Variants in PKNOX1 observed in about 807,000 individuals in gnomAD.
PKNOX1 encodes PBX/knotted 1 homeobox 1, also known as homeobox protein PKNOX1.
In PKNOX1, 15 loss-of-function variants were observed where a neutral mutation model predicts 51.9. That is an observed-to-expected ratio of 0.29 (90% CI 0.19 to 0.45). PKNOX1 has a LOEUF of 0.45. PKNOX1 is among the 20% of genes least tolerant of loss of function. PKNOX1 has a pLI of 1.00. For synonymous variants in PKNOX1, 219 were observed against 211.1 expected (o/e 1.04, Z -0.32); for missense variants, 462 against 547.5 (o/e 0.84, Z 1.56).
chr21:43,004,274 C>CA, intron 1 of PKNOX1, 52 bp from the exon 2 acceptor site: 2 of 764,246 alleles, frequency 2.6e-6, no homozygotes, highest in South Asian at 1.5e-5. Flanking sequence ...ATGAGGGAGA[C>CA]AAAAAATGCT....
At chr21:42,989,694 C>T (rs1191127337) in intron 1 of PKNOX1, among the ~76,000 whole-genome samples, 1 of 152,202 alleles carries the variant, frequency 6.6e-6, no homozygotes, top group African/African-American at 2.4e-5. Flanking sequence ...GCTAGGATTA[C>T]AGTCGTGAGC....
intron 1 of PKNOX1, among the ~76,000 whole-genome samples, chr21:42,987,413 A>ATATATATATATATC (rs2059059567): frequency 7.6e-6 from 1 of 132,064 alleles, no homozygotes; most frequent in Non-Finnish European, 1.6e-5. Context: ...AAATATATAT[A>ATATATATATATATC]TATATATATA....
At chr21:42,992,055 G>A (rs187010604) in intron 1 of PKNOX1, among the ~76,000 whole-genome samples, 1 of 152,290 alleles carries the variant, frequency 6.6e-6, no homozygotes, top group East Asian at 1.9e-4. Flanking sequence ...ACACTCATGT[G>A]GCTTCGGAAG....
intron 1 of PKNOX1, among the ~76,000 whole-genome samples, chr21:42,977,537 C>CTTTT (rs3044504): frequency 2.1e-5 from 1 of 47,114 alleles, no homozygotes; most frequent in Non-Finnish European, 3.6e-5. Context: ...CTGCTTCCAA[C>CTTTT]TTTTTTTTTT....
At chr21:43,022,376 C>T (rs1054275313) in intron 8 of PKNOX1, among the ~76,000 whole-genome samples, 5 of 152,226 alleles carry the variant, frequency 3.3e-5, no homozygotes, top group African/African-American at 9.6e-5. Flanking sequence ...CGCCATTTCG[C>T]GGCCCACTTT....
Position 43,009,589 on chromosome 21 carries a change from C to T in PKNOX1, c.180-464C>T, listed in dbSNP as rs182713156. ...TCGTGCCGCTGCACTCCAGCCTGGGCGACAGAGTGAGACTCCATCTCAAAA... is the reference window on the plus strand; with the variant it reads ...TCGTGCCGCTGCACTCCAGCCTGGGTGACAGAGTGAGACTCCATCTCAAAA... On this transcript the variant is annotated intron_variant, in intron 3 of 10. Transcript: ENST00000291547. Among the ~76,000 whole-genome samples the T allele has an allele frequency of 5.5e-3, 628 of 113,488 alleles. 2 individuals are homozygous for T. Among genetic ancestry groups the T allele is most frequent in the Admixed American group, 8.0e-3 (61 of 7,598 alleles). The allele number at this position is 113,488 out of a possible 152,430, so 74.5% of individuals were successfully genotyped here.
intron 1 of PKNOX1, among the ~76,000 whole-genome samples, chr21:42,984,450 A>G (rs2059041653): frequency 6.6e-6 from 1 of 151,064 alleles, no homozygotes; most frequent in South Asian, 2.1e-4. Flanking sequence ...GTGCGATGGC[A>G]TGATCTTGGC....
chr21:43,006,454 G>A (rs1978990974), intron 2 of PKNOX1, among the ~76,000 whole-genome samples: 1 of 152,044 alleles, frequency 6.6e-6, no homozygotes, highest in Admixed American at 6.6e-5. Context: ...CATGCTGGCA[G>A]ATTGCCTTAC....
At chr21:42,983,176 G>T (rs369108654) in intron 1 of PKNOX1, among the ~76,000 whole-genome samples, 52 of 152,148 alleles carry the variant, frequency 3.4e-4, no homozygotes, top group African/African-American at 1.2e-3. Context: ...ACCATTTTCA[G>T]TGTGCAGTTC....
intron 1 of PKNOX1, among the ~76,000 whole-genome samples, chr21:42,982,889 A>C (rs1010771069): frequency 6.6e-6 from 1 of 151,914 alleles, no homozygotes; most frequent in East Asian, 1.9e-4. Flanking sequence ...GGCTCCCTGC[A>C]ACCTCTGCCT....
intron 7 of PKNOX1, among the ~76,000 whole-genome samples, chr21:43,019,701 C>G (rs1315454619): frequency 6.6e-6 from 1 of 151,888 alleles, no homozygotes; most frequent in Non-Finnish European, 1.5e-5. Context: ...TGCCACTATG[C>G]CTGGCTAATT....
chr21:43,024,631 C>T (rs535384353), intron 8 of PKNOX1: 157 of 480,788 alleles, frequency 3.3e-4, no homozygotes, highest in Non-Finnish European at 5.5e-4. Flanking sequence ...ACCGCTGAAC[C>T]GTTAAACGTG....
At chr21:42,999,815 T>A (rs1978667718) in intron 1 of PKNOX1, among the ~76,000 whole-genome samples, 1 of 152,142 alleles carries the variant, frequency 6.6e-6, no homozygotes. Flanking sequence ...AGGCTGCAAA[T>A]TTTCCAAACT....
chr21:42,974,714 C>A, intron 1 of PKNOX1, 50 bp downstream of exon 1: 1 of 165,688 alleles, frequency 6.0e-6, no homozygotes, highest in Non-Finnish European at 1.2e-5. Flanking sequence ...CTCTCGCCGC[C>A]GCCGTCCCTA....
intron 1 of PKNOX1, among the ~76,000 whole-genome samples, chr21:42,979,751 GAA>G (rs1453872052): frequency 7.2e-6 from 1 of 139,858 alleles, no homozygotes; most frequent in African/African-American, 2.5e-5. Flanking sequence ...CAGAAAAAAA[GAA>G]AAAAGAAAAA....
chr21:42,996,516 T>C (rs1978512873), intron 1 of PKNOX1, among the ~76,000 whole-genome samples: 1 of 151,772 alleles, frequency 6.6e-6, no homozygotes, highest in Non-Finnish European at 1.5e-5. Flanking sequence ...AGAAGTTTGC[T>C]TAGAAAGCCT....
Position 43,033,193 on chromosome 21 carries a change from G to A in PKNOX1, c.*3092G>A, listed in dbSNP as rs1420099614. On this transcript the variant is annotated 3_prime_UTR_variant, in exon 11 of 11. Transcript: ENST00000291547. ...ACCGAGGGACTAGCTTGGCCTTTGC[G>A]CTTTGATTCCAGATAGTAAGATGAG... 1.3e-5 allele frequency: 2 copies of A among 152,114 alleles called. No homozygotes were observed. Among genetic ancestry groups the A allele is most frequent in the Admixed American group, 6.5e-5 (1 of 15,274 alleles). The allele number at this position is 152,114 out of a possible 1,614,324, so 9.4% of individuals were successfully genotyped here. A position where few individuals can be genotyped will look rare whatever the true frequency, so the allele number is the denominator to read the frequency against.
chr21:42,976,376 C>T (rs931580776), intron 1 of PKNOX1, among the ~76,000 whole-genome samples: 13 of 152,190 alleles, frequency 8.5e-5, no homozygotes, highest in Non-Finnish European at 1.6e-4. Context: ...TGGCTGCTGA[C>T]TGATCAGGGT....
At chr21:43,019,314 C>G (rs1341257402) in intron 7 of PKNOX1, among the ~76,000 whole-genome samples, 2 of 150,406 alleles carry the variant, frequency 1.3e-5, no homozygotes, top group Non-Finnish European at 3.0e-5. Context: ...ATTGCTTGAC[C>G]TGGGAGGTGG....
Sources: allele counts gnomAD v4.1 joint callset (sites outside exome capture counted in the v4.1 genomes callset), GRCh38; gene constraint gnomAD v4.1.1; transcripts MANE v1.5; gene names NCBI Gene and HGNC (gene_info 2026-07-23, HGNC 2026-07-21).